EDN1: variants seen among roughly 807,000 people sequenced by gnomAD.
The protein encoded by EDN1 is endothelin-1.
In EDN1, 11 loss-of-function variants were observed where a neutral mutation model predicts 21.7. The observed-to-expected ratio is 0.51, with a 90% CI of 0.32 to 0.84. The LOEUF (loss-of-function observed/expected upper bound fraction) is 0.84. Ranked by LOEUF, EDN1 falls within the 40% of genes least tolerant of loss-of-function variation. The pLI, the probability that EDN1 is intolerant of heterozygous loss-of-function variation, is 0.03. For missense variants in EDN1, 244 were observed against 262.3 expected (o/e 0.93, Z 0.48); for synonymous variants, 85 against 90.6 (o/e 0.94, Z 0.35).
In EDN1 at chr6:12,296,152, G is replaced by T. The variant is rs1014596740; in HGVS notation, c.*85G>T. 31 of 1,186,678 alleles carry T rather than the reference G, an allele frequency of 2.6e-5. No homozygotes were observed. Among genetic ancestry groups the T allele is most frequent in the Non-Finnish European group, 3.9e-5 (31 of 793,402 alleles). 73.5% of individuals were successfully genotyped at this position (1,186,678 alleles called of 1,614,324 possible). On this transcript the variant is annotated 3_prime_UTR_variant, in exon 5 of 5. Coordinates refer to ENST00000379375, the MANE Select transcript of EDN1 (RefSeq NM_001955.5). The stretch of plus-strand genomic sequence containing the variant: ...GCACTCTCCACCCTGGCTGGGATCA[G>T]AGCAGGAGCATCCTCTGCTGGTTCC...
At chr6:12,290,068 T>G (rs1373438481), upstream of EDN1, among the ~76,000 whole-genome samples, 1 of 152,182 alleles carries the variant, frequency 6.6e-6, no homozygotes, top group Non-Finnish European at 1.5e-5. Flanking sequence ...ACTCCGGGGC[T>G]GGCAGCTTGC....
Position 12,296,748 on chromosome 6 carries a change from C to G in EDN1, c.*681C>G, listed in dbSNP as rs1762836068. ...CTTCCTCCATCCCCCATACTAAATC[C>G]TAGCCTCGTAGAAGTCTGGTCTAAT... On this transcript the variant is annotated 3_prime_UTR_variant, in exon 5 of 5. Coordinates refer to ENST00000379375, the MANE Select transcript of EDN1 (RefSeq NM_001955.5). The G allele has an allele frequency of 6.5e-6, 1 of 152,750 alleles. No individual in the cohort carries two copies. Among genetic ancestry groups the G allele is most frequent in the African/African-American group, 2.4e-5 (1 of 41,412 alleles). 9.5% of individuals were successfully genotyped at this position (152,750 alleles called of 1,614,324 possible). A position where few individuals can be genotyped will look rare whatever the true frequency, so the allele number is the denominator to read the frequency against.
intron 1 of EDN1, 37 bp from the exon 2 acceptor site, chr6:12,292,304 G>A (rs769486092): frequency 6.2e-7 from 1 of 1,611,716 alleles, no homozygotes; most frequent in Non-Finnish European, 8.5e-7. Context: ...GGCGTTTGAG[G>A]AGACATCCCC....
the EDN1 span, among the ~76,000 whole-genome samples, chr6:12,270,647 T>C: frequency 1.3e-5 from 2 of 152,330 alleles, no homozygotes; most frequent in East Asian, 3.8e-4. Context: ...TTACTTGACA[T>C]AATTTTGATT....
At chr6:12,283,543 C>A in the EDN1 span, among the ~76,000 whole-genome samples, 1 of 152,162 alleles carries the variant, frequency 6.6e-6, no homozygotes, top group Non-Finnish European at 1.5e-5. Context: ...ACAGTCCACA[C>A]CATGAATGGT....
At chr6:12,253,819 A>G in the EDN1 span, among the ~76,000 whole-genome samples, 1 of 152,154 alleles carries the variant, frequency 6.6e-6, no homozygotes, top group Non-Finnish European at 1.5e-5. Context: ...AGCCAGGCCA[A>G]AAACCTGGGC....
chr6:12,258,449 C>CAAAAAAAAAAAAAAAAAAAAAAAAAAAA, the EDN1 span, among the ~76,000 whole-genome samples: 1 of 63,656 alleles, frequency 1.6e-5, no homozygotes, highest in African/African-American at 4.9e-5. Flanking sequence ...GATCATGTCT[C>CAAAAAAAAAAAAAAAAAAAAAAAAAAAA]AAAAAAAAAA....
In EDN1 at chr6:12,296,133, T is replaced by G; in HGVS notation, c.*66T>G. 7.1e-7 allele frequency: 1 copy of G among 1,408,940 alleles called. No homozygotes were observed. Among genetic ancestry groups the G allele is most frequent in the Non-Finnish European group, 1.0e-6 (1 of 994,522 alleles). The allele number at this position is 1,408,940 out of a possible 1,614,324, so 87.3% of individuals were successfully genotyped here. On this transcript the variant is annotated 3_prime_UTR_variant, in exon 5 of 5. Coordinates refer to ENST00000379375, the MANE Select transcript of EDN1 (RefSeq NM_001955.5). ...GAGCCCTGTGGCCGACTCTGCACTC[T>G]CCACCCTGGCTGGGATCAGAGCAGG...
chr6:12,266,173 G>C, the EDN1 span, among the ~76,000 whole-genome samples: 8,571 of 152,166 alleles, frequency 0.056, 754 homozygotes, highest in African/African-American at 0.19. Flanking sequence ...AATTAATTAC[G>C]TGATTTTGTC....
At chr6:12,268,071 A>G in the EDN1 span, among the ~76,000 whole-genome samples, 1 of 152,214 alleles carries the variant, frequency 6.6e-6, no homozygotes, top group Admixed American at 6.5e-5. Flanking sequence ...TCAAAATACT[A>G]CTACTCATTG....
the EDN1 span, among the ~76,000 whole-genome samples, chr6:12,239,009 TA>T: frequency 2.0e-5 from 3 of 152,222 alleles, no homozygotes; most frequent in African/African-American, 7.2e-5. Context: ...AATTCCAACT[TA>T]TAGCAACTTC....
At chr6:12,237,541 G>A in the EDN1 span, among the ~76,000 whole-genome samples, 1 of 152,158 alleles carries the variant, frequency 6.6e-6, no homozygotes, top group Non-Finnish European at 1.5e-5. Context: ...AGGGACATCA[G>A]TAAGCAAGAG....
At chr6:12,276,183 A>C in the EDN1 span, among the ~76,000 whole-genome samples, 2 of 151,358 alleles carry the variant, frequency 1.3e-5, no homozygotes, top group South Asian at 4.2e-4. Flanking sequence ...AAAAAAAAAA[A>C]AAAAGAATCC....
chr6:12,272,204 AT>A, the EDN1 span, among the ~76,000 whole-genome samples: 6 of 152,008 alleles, frequency 3.9e-5, no homozygotes, highest in African/African-American at 9.7e-5. Flanking sequence ...GCTTGATAAA[AT>A]TTTTTTTCTA....
At chr6:12,283,009 G>C in the EDN1 span, among the ~76,000 whole-genome samples, 1 of 151,996 alleles carries the variant, frequency 6.6e-6, no homozygotes, top group Non-Finnish European at 1.5e-5. Flanking sequence ...TGAATTTCCA[G>C]GAAAATTATT....
chr6:12,292,542 A>T (rs748138183), intron 2 of EDN1, 33 bp downstream of exon 2: 4 of 1,613,472 alleles, frequency 2.5e-6, no homozygotes, highest in Non-Finnish European at 3.4e-6. Context: ...AACCCTAGTC[A>T]TTCATTAGCG....
the EDN1 span, among the ~76,000 whole-genome samples, chr6:12,280,614 G>C: frequency 5.9e-5 from 9 of 152,222 alleles, no homozygotes; most frequent in African/African-American, 1.9e-4. Flanking sequence ...GTAGTCCCTG[G>C]CTGGGTGCAG....
At chr6:12,262,113 T>C in the EDN1 span, among the ~76,000 whole-genome samples, 11 of 152,220 alleles carry the variant, frequency 7.2e-5, no homozygotes, top group African/African-American at 2.7e-4. Context: ...GCCATAGGCC[T>C]ATCAGCATTT....
chr6:12,238,723 T>C, the EDN1 span, among the ~76,000 whole-genome samples: 4 of 152,240 alleles, frequency 2.6e-5, no homozygotes, highest in Admixed American at 2.6e-4. Context: ...AAAACCACCA[T>C]TGTAGCCACA....
Sources: allele counts gnomAD v4.1 joint callset (sites outside exome capture counted in the v4.1 genomes callset), GRCh38; gene constraint gnomAD v4.1.1; transcripts MANE v1.5; gene names NCBI Gene and HGNC (gene_info 2026-07-23, HGNC 2026-07-21).